Variants in PHF14 observed in about 807,000 individuals in gnomAD.
PHF14 encodes the protein PHD finger protein 14.
In PHF14, 55 loss-of-function variants were observed where a neutral mutation model predicts 117.9. The observed-to-expected ratio is 0.47, with a 90% CI of 0.38 to 0.58. The LOEUF is 0.58. Among genes scored for constraint, PHF14 ranks in the 20% least tolerant of loss-of-function variants. The pLI is 0.00. For synonymous variants in PHF14, 409 were observed against 368.6 expected (o/e 1.11, Z -1.26); for missense variants, 978 against 1,122.2 (o/e 0.87, Z 1.84).
intron 16 of PHF14, among the ~76,000 whole-genome samples, chr7:11,094,435 A>C: frequency 6.6e-6 from 1 of 152,046 alleles, no homozygotes; most frequent in Middle Eastern, 3.4e-3. Flanking sequence ...AGTCACATCT[A>C]TTTATCTCTC....
intron 14 of PHF14, among the ~76,000 whole-genome samples, chr7:11,053,940 G>A (rs2128327377): frequency 6.6e-6 from 1 of 151,676 alleles, no homozygotes; most frequent in Middle Eastern, 3.4e-3. Flanking sequence ...AAACACCAGG[G>A]AAAGAGTCCA....
chr7:11,127,722 G>A (rs143698030), intron 17 of PHF14, among the ~76,000 whole-genome samples: 11 of 152,068 alleles, frequency 7.2e-5, no homozygotes, highest in African/African-American at 2.7e-4. Flanking sequence ...CCTTTAATGA[G>A]TTACCATACC....
chr7:11,089,782 T>C (rs112331061), intron 16 of PHF14, among the ~76,000 whole-genome samples: 56,020 of 134,082 alleles, frequency 0.42, 9,800 homozygotes, highest in East Asian at 0.76. Context: ...TTTTTTTTTT[T>C]TTTTTGAGAC....
intron 16 of PHF14, among the ~76,000 whole-genome samples, chr7:11,073,909 A>AC (rs1185425485): frequency 6.6e-6 from 1 of 152,176 alleles, no homozygotes; most frequent in Non-Finnish European, 1.5e-5. Flanking sequence ...TGTGAGCTGT[A>AC]CCTGGGGCTC....
At chr7:11,001,725 G>A (rs1052138507) in intron 4 of PHF14, among the ~76,000 whole-genome samples, 3 of 152,130 alleles carry the variant, frequency 2.0e-5, no homozygotes, top group African/African-American at 7.2e-5. Flanking sequence ...TTTGTATGCT[G>A]CAGTCTTGCT....
chr7:11,040,011 T>A (rs1413869177), intron 11 of PHF14, among the ~76,000 whole-genome samples: 1 of 152,198 alleles, frequency 6.6e-6, no homozygotes, highest in Non-Finnish European at 1.5e-5. Context: ...CTATCTACCA[T>A]AAAAGACATT....
chr7:11,034,570 A>G (rs1443737441), intron 7 of PHF14, among the ~76,000 whole-genome samples: 2 of 76,786 alleles, frequency 2.6e-5, no homozygotes, highest in Non-Finnish European at 4.5e-5. Flanking sequence ...TTTTTTTGAG[A>G]CAGACTGTCG....
At chr7:11,102,893 C>G in intron 16 of PHF14, 1 of 1,121,254 alleles carries the variant, frequency 8.9e-7, no homozygotes, top group African/African-American at 1.6e-5. Flanking sequence ...TGTTGATACA[C>G]AGTGTTTGGA....
chr7:11,145,153 G>T (rs1788510210), intron 17 of PHF14, among the ~76,000 whole-genome samples: 1 of 151,906 alleles, frequency 6.6e-6, no homozygotes, highest in Admixed American at 6.6e-5. Flanking sequence ...AAACCCTCGG[G>T]AGGGGTTCAG....
intron 17 of PHF14, among the ~76,000 whole-genome samples, chr7:11,115,166 T>G (rs1398317322): frequency 6.6e-6 from 1 of 152,048 alleles, no homozygotes; most frequent in Non-Finnish European, 1.5e-5. Context: ...ATTTCTCCAG[T>G]CTGCTCTTTG....
At chr7:11,112,595 C>T (rs1342358364) in intron 17 of PHF14, among the ~76,000 whole-genome samples, 1 of 151,878 alleles carries the variant, frequency 6.6e-6, no homozygotes, top group Non-Finnish European at 1.5e-5. Flanking sequence ...CATGGCGAAA[C>T]CCCATCTCTA....
chr7:11,074,937 CTTT>C (rs751367742), intron 16 of PHF14, among the ~76,000 whole-genome samples: 13 of 132,388 alleles, frequency 9.8e-5, no homozygotes, highest in African/African-American at 1.1e-4. Flanking sequence ...TTTCAGATAT[CTTT>C]TTTTTTTTTT....
At chr7:11,036,765 T>G in intron 9 of PHF14, 77 bp downstream of exon 9, 1 of 1,313,016 alleles carries the variant, frequency 7.6e-7, no homozygotes, top group Non-Finnish European at 1.1e-6. Context: ...TACTGTTAAT[T>G]TTTAGAAATT....
At chr7:11,129,926 T>G (rs1788046596) in intron 17 of PHF14, among the ~76,000 whole-genome samples, 1 of 152,052 alleles carries the variant, frequency 6.6e-6, no homozygotes, top group African/African-American at 2.4e-5. Flanking sequence ...TGGCAAAAAA[T>G]ACAACATTTC....
intron 13 of PHF14, among the ~76,000 whole-genome samples, chr7:11,050,158 A>G (rs1384653845): frequency 6.6e-6 from 1 of 152,198 alleles, no homozygotes; most frequent in Non-Finnish European, 1.5e-5. Context: ...TGTCACTTTG[A>G]CAATTAAATA....
chr7:11,022,295 T>G, intron 5 of PHF14, among the ~76,000 whole-genome samples: 1 of 152,300 alleles, frequency 6.6e-6, no homozygotes, highest in East Asian at 1.9e-4. Context: ...GTGAATTGCT[T>G]ATTCTGTACC....
At chr7:11,064,627 T>C (rs1000401917) in intron 16 of PHF14, among the ~76,000 whole-genome samples, 8 of 152,080 alleles carry the variant, frequency 5.3e-5, no homozygotes, top group Non-Finnish European at 1.2e-4. Flanking sequence ...TCAGGCTATA[T>C]AGAAAATTCC....
intron 13 of PHF14, among the ~76,000 whole-genome samples, chr7:11,049,494 G>T (rs1311784199): frequency 6.9e-6 from 1 of 144,068 alleles, no homozygotes; most frequent in Non-Finnish European, 1.5e-5. Context: ...AAAAAAAAAA[G>T]TGTAAATTAG....
At chr7:11,135,320 C>G (rs1283511975) in intron 17 of PHF14, among the ~76,000 whole-genome samples, 2 of 151,828 alleles carry the variant, frequency 1.3e-5, no homozygotes, top group African/African-American at 4.8e-5. Context: ...GTGAACCTGA[C>G]CAATACCTAA....
Sources: gnomAD v4.1 joint callset for allele counts (sites outside exome capture counted in the v4.1 genomes callset) on GRCh38, gnomAD v4.1.1 for gene constraint, MANE v1.5 for transcripts, NCBI Gene and HGNC (gene_info 2026-07-23, HGNC 2026-07-21) for gene names.